GRIA1: variants seen among roughly 807,000 people sequenced by gnomAD.
GRIA1 encodes glutamate receptor 1.
GRIA1 carries 31 observed loss-of-function variants against 99.2 expected under a neutral mutation model. The ratio of observed to expected loss-of-function variants is 0.31; its 90% CI spans 0.23 to 0.42. GRIA1 has a LOEUF of 0.42. Among genes scored for constraint, GRIA1 ranks in the 10% least tolerant of loss-of-function variants. The pLI is 1.00. For missense variants in GRIA1, 782 were observed against 1,157.5 expected (o/e 0.68, Z 4.71); for synonymous variants, 438 against 432.4 (o/e 1.01, Z -0.16).
At chr5:153,499,613 C>CAAAAAAAAAAAAAAAAAAAAAAA (rs70976100) in intron 2 of GRIA1, among the ~76,000 whole-genome samples, 1 of 42,126 alleles carries the variant, frequency 2.4e-5, no homozygotes, top group African/African-American at 9.3e-5. Flanking sequence ...GAATTTGTCT[C>CAAAAAAAAAAAAAAAAAAAAAAA]AAAAAAAAAA....
At chr5:153,493,850 G>A in intron 1 of GRIA1, 78 bp from the exon 2 acceptor site, 2 of 1,443,698 alleles carry the variant, frequency 1.4e-6, no homozygotes, top group Non-Finnish European at 1.9e-6. Flanking sequence ...AGAAGAAAAG[G>A]ACTCATCTGG....
chr5:153,666,068 C>T (rs1755721645), intron 5 of GRIA1, among the ~76,000 whole-genome samples: 1 of 152,140 alleles, frequency 6.6e-6, no homozygotes, highest in African/African-American at 2.4e-5. Flanking sequence ...TATTTATGAC[C>T]TGGTTCACAA....
intron 2 of GRIA1, among the ~76,000 whole-genome samples, chr5:153,609,688 C>T (rs931412557): frequency 4.0e-5 from 6 of 151,108 alleles, no homozygotes; most frequent in Admixed American, 4.0e-4. Context: ...CTCAGCCTTC[C>T]GAGTAGCTGG....
intron 14 of GRIA1, chr5:153,795,639 A>G (rs780309677): frequency 7.8e-6 from 8 of 1,030,234 alleles, no homozygotes; most frequent in Non-Finnish European, 1.2e-5. Flanking sequence ...AAAAATGCAC[A>G]GTGTTGAACA....
At chr5:153,514,035 T>C (rs888826601) in intron 2 of GRIA1, among the ~76,000 whole-genome samples, 1 of 152,210 alleles carries the variant, frequency 6.6e-6, no homozygotes, top group African/African-American at 2.4e-5. Flanking sequence ...GCCTTGGCTA[T>C]GCTGGCCTAA....
At chr5:153,576,997 A>AATGG (rs143441412) in intron 2 of GRIA1, among the ~76,000 whole-genome samples, 929 of 90,570 alleles carry the variant, frequency 0.01, 29 homozygotes, top group Middle Eastern at 0.052. Flanking sequence ...TGAGTGGATG[A>AATGG]ATGGATGGAT....
At chr5:153,570,798 C>T (rs946160762) in intron 2 of GRIA1, among the ~76,000 whole-genome samples, 1 of 152,076 alleles carries the variant, frequency 6.6e-6, no homozygotes, top group Non-Finnish European at 1.5e-5. Context: ...ATGCCTGGCA[C>T]ATAGTAAGTG....
At chr5:153,733,247 T>A (rs79498214) in intron 11 of GRIA1, among the ~76,000 whole-genome samples, 3 of 152,042 alleles carry the variant, frequency 2.0e-5, no homozygotes, top group Non-Finnish European at 4.4e-5. Context: ...TGCATATAAT[T>A]TAAACTCTAA....
chr5:153,694,668 T>A (rs756979039), intron 8 of GRIA1, among the ~76,000 whole-genome samples: 1 of 152,262 alleles, frequency 6.6e-6, no homozygotes, highest in Non-Finnish European at 1.5e-5. Context: ...AAGCTGATAG[T>A]TGGTAATTAG....
At chr5:153,578,010 G>C (rs778819948) in intron 2 of GRIA1, among the ~76,000 whole-genome samples, 2 of 151,800 alleles carry the variant, frequency 1.3e-5, no homozygotes, top group Non-Finnish European at 2.9e-5. Context: ...AATTAGCTGA[G>C]CATCATGGTG....
At chr5:153,789,484 G>A (rs1290442101) in intron 13 of GRIA1, among the ~76,000 whole-genome samples, 5 of 151,916 alleles carry the variant, frequency 3.3e-5, no homozygotes, top group Admixed American at 3.3e-4. Context: ...AATATGTAAG[G>A]CCAAACTTAA....
intron 2 of GRIA1, among the ~76,000 whole-genome samples, chr5:153,562,172 G>A (rs1290453882): frequency 6.6e-6 from 1 of 152,188 alleles, no homozygotes; most frequent in Non-Finnish European, 1.5e-5. Context: ...ATGGAGGTGA[G>A]GGTGGAAAGA....
intron 8 of GRIA1, among the ~76,000 whole-genome samples, chr5:153,696,479 G>A (rs574020049): frequency 8.5e-5 from 13 of 152,290 alleles, no homozygotes; most frequent in Non-Finnish European, 1.8e-4. Context: ...CAGGCCAGAC[G>A]AAATGGCATG....
rs58688097 is a variant in GRIA1, at chr5:153,545,660, A to T, written c.220+51595A>T. On this transcript the variant is annotated intron_variant, in intron 2 of 15. Coordinates refer to ENST00000285900, the MANE Select transcript of GRIA1 (RefSeq NM_000827.4). The stretch of plus-strand genomic sequence containing the variant: ...GGATTGGCAAACCTTTTCTGTAAAA[A>T]CCCAGATAGTAAATGTTTTAGATTT... Among the ~76,000 whole-genome samples the T allele has an allele frequency of 4.6e-3, 706 of 152,090 alleles. 8 individuals carry two copies. Among genetic ancestry groups the T allele is most frequent in the African/African-American group, 0.016 (668 of 41,488 alleles).
chr5:153,718,738 A>G (rs1028058837), intron 11 of GRIA1, among the ~76,000 whole-genome samples: 4 of 151,996 alleles, frequency 2.6e-5, no homozygotes, highest in African/African-American at 7.2e-5. Flanking sequence ...CCCACCAATC[A>G]TTTATTCCCT....
At chr5:153,804,641 G>A (rs994635323) in intron 15 of GRIA1, among the ~76,000 whole-genome samples, 1 of 152,136 alleles carries the variant, frequency 6.6e-6, no homozygotes, top group Admixed American at 6.5e-5. Flanking sequence ...GAGAATGAAC[G>A]TCTGGGCATA....
At chr5:153,779,697 G>T (rs984959350) in intron 13 of GRIA1, among the ~76,000 whole-genome samples, 5 of 152,076 alleles carry the variant, frequency 3.3e-5, no homozygotes, top group Non-Finnish European at 7.4e-5. Flanking sequence ...CGAGTAGCTG[G>T]GATTACAGCC....
At chr5:153,651,984 G>T (rs1329086134) in intron 4 of GRIA1, among the ~76,000 whole-genome samples, 1 of 152,096 alleles carries the variant, frequency 6.6e-6, no homozygotes, top group East Asian at 1.9e-4. Context: ...TGTAAAATGG[G>T]CATCATCATC....
At chr5:153,717,390 A>C (rs575382981) in intron 11 of GRIA1, among the ~76,000 whole-genome samples, 2 of 152,230 alleles carry the variant, frequency 1.3e-5, no homozygotes, top group African/African-American at 4.8e-5. Context: ...GAGCAAGCGC[A>C]CTAAGGTGGA....
Sources: allele counts gnomAD v4.1 joint callset (sites outside exome capture counted in the v4.1 genomes callset), GRCh38; gene constraint gnomAD v4.1.1; transcripts MANE v1.5; gene names NCBI Gene and HGNC (gene_info 2026-07-23, HGNC 2026-07-21).